Variants in ATRNL1 observed in about 807,000 individuals in gnomAD.
The protein encoded by ATRNL1 is attractin like 1.
A neutral mutation model predicts 182.7 loss-of-function variants in ATRNL1; 95 were observed. The observed-to-expected ratio is 0.52, with a 90% CI of 0.44 to 0.62. The LOEUF is 0.62. ATRNL1 is among the 20% of genes least tolerant of loss of function. The probability of loss-of-function intolerance (pLI) is 0.00; values close to 1 mark genes in which losing one functional copy is unlikely to be tolerated. For missense variants in ATRNL1, 1,471 were observed against 1,679.5 expected (o/e 0.88, Z 2.17); for synonymous variants, 576 against 568.3 (o/e 1.01, Z -0.19).
At chr10:115,577,824 G>A (rs1274450813) in intron 26 of ATRNL1, among the ~76,000 whole-genome samples, 1 of 151,300 alleles carries the variant, frequency 6.6e-6, no homozygotes, top group Non-Finnish European at 1.5e-5. Context: ...TCCTTACATT[G>A]TACCATATAT....
At chr10:115,363,025 G>A (rs1428248351) in intron 19 of ATRNL1, among the ~76,000 whole-genome samples, 2 of 151,730 alleles carry the variant, frequency 1.3e-5, no homozygotes, top group Admixed American at 6.6e-5. Context: ...CAGTCCTTTG[G>A]GTATATACCC....
rs80060643 is a variant in ATRNL1, at chr10:115,942,436, C to A, written c.4019-2222C>A. 2.1e-3 allele frequency among the ~76,000 whole-genome samples: 324 copies of A among 152,276 alleles called. 13 individuals carry two copies. In the East Asian group the frequency reaches 0.058, roughly 27 times the overall value. ...TGCCACAGGCCTTACCCTGCTGGCC[C>A]ATTTGCCACTTTTTACAGACTCCTT... On this transcript the variant is annotated intron_variant, in intron 28 of 28. Coordinates refer to ENST00000355044, the MANE Select transcript of ATRNL1 (RefSeq NM_207303.4).
chr10:115,603,396 A>G (rs1555016640), intron 26 of ATRNL1, among the ~76,000 whole-genome samples: 1 of 152,194 alleles, frequency 6.6e-6, no homozygotes, highest in Non-Finnish European at 1.5e-5. Context: ...TCAGGAAATT[A>G]TAAGGGTTTT....
chr10:115,797,460 C>A (rs1193806158), intron 27 of ATRNL1, among the ~76,000 whole-genome samples: 1 of 152,088 alleles, frequency 6.6e-6, no homozygotes. Context: ...GAAGGAAGGG[C>A]TGGGGTGCAG....
Position 115,336,020 on chromosome 10 carries a change from A to AT in ATRNL1, c.3175+1607dup, listed in dbSNP as rs547483857. Among the ~76,000 whole-genome samples the AT allele has an allele frequency of 9.9e-4, 150 of 152,240 alleles. 1 individual carries two copies. Among genetic ancestry groups the AT allele is most frequent in the Middle Eastern group, 3.4e-3 (1 of 294 alleles). On this transcript the variant is annotated intron_variant, in intron 19 of 28. Coordinates refer to ENST00000355044, the MANE Select transcript of ATRNL1 (RefSeq NM_207303.4). ...ACAGATGCATTGGCCCACATTTAAC[A>AT]TTTTTTATATCCTAGGCACCGTACT...
chr10:115,242,364 T>A (rs974695258), intron 10 of ATRNL1, among the ~76,000 whole-genome samples: 17 of 152,058 alleles, frequency 1.1e-4, no homozygotes, highest in Admixed American at 3.3e-4. Flanking sequence ...TTCTGAATAT[T>A]TAAGTGAATG....
intron 19 of ATRNL1, among the ~76,000 whole-genome samples, chr10:115,388,673 T>C (rs1275948269): frequency 6.6e-6 from 1 of 152,040 alleles, no homozygotes. Context: ...TTATAATGTG[T>C]ATCATATTAT....
At chr10:115,470,053 T>C (rs1290429560) in intron 24 of ATRNL1, among the ~76,000 whole-genome samples, 3 of 150,520 alleles carry the variant, frequency 2.0e-5, no homozygotes, top group Non-Finnish European at 3.0e-5. Flanking sequence ...TCCTTGTTCA[T>C]GGCTTTTATG....
chr10:115,157,232 A>C (rs1846563194), intron 5 of ATRNL1, among the ~76,000 whole-genome samples: 3 of 152,114 alleles, frequency 2.0e-5, no homozygotes, highest in Admixed American at 2.0e-4. Context: ...GTATCAGAAA[A>C]AAAATTTTAA....
intron 20 of ATRNL1, among the ~76,000 whole-genome samples, chr10:115,412,380 C>T (rs1419413279): frequency 2.6e-5 from 4 of 152,086 alleles, no homozygotes; most frequent in African/African-American, 9.7e-5. Flanking sequence ...TACAGTGGAC[C>T]CTAGGTGCAG....
At chr10:115,217,890 G>C (rs530982411) in intron 9 of ATRNL1, among the ~76,000 whole-genome samples, 1 of 152,096 alleles carries the variant, frequency 6.6e-6, no homozygotes, top group East Asian at 1.9e-4. Flanking sequence ...AAAATTTGTA[G>C]TATTCTTTAA....
chr10:115,375,381 T>C (rs143335682), intron 19 of ATRNL1, among the ~76,000 whole-genome samples: 79 of 152,108 alleles, frequency 5.2e-4, no homozygotes, highest in Middle Eastern at 3.4e-3. Flanking sequence ...TTGTCTCTTA[T>C]AGGGAGTCTA....
intron 19 of ATRNL1, among the ~76,000 whole-genome samples, chr10:115,372,112 C>T (rs1451277787): frequency 6.6e-6 from 1 of 152,202 alleles, no homozygotes; most frequent in African/African-American, 2.4e-5. Flanking sequence ...TCCATTAAAC[C>T]TCTTTCTTTT....
chr10:115,307,175 C>T (rs148933419), intron 17 of ATRNL1, among the ~76,000 whole-genome samples: 79 of 152,234 alleles, frequency 5.2e-4, no homozygotes, highest in African/African-American at 1.3e-3. Flanking sequence ...TTGTCATGTT[C>T]GCCTTTCCTG....
At chr10:115,413,352 A>C (rs1554960244) in intron 20 of ATRNL1, among the ~76,000 whole-genome samples, 1 of 152,118 alleles carries the variant, frequency 6.6e-6, no homozygotes, top group Non-Finnish European at 1.5e-5. Flanking sequence ...GAACAAATTT[A>C]TCTGATAGGA....
intron 27 of ATRNL1, among the ~76,000 whole-genome samples, chr10:115,847,412 T>C (rs782383572): frequency 3.0e-4 from 45 of 152,146 alleles, no homozygotes; most frequent in Non-Finnish European, 4.9e-4. Flanking sequence ...ATGAATATGT[T>C]ACTTCGATTG....
At chr10:115,098,174 T>C (rs2085063086) in intron 1 of ATRNL1, among the ~76,000 whole-genome samples, 1 of 152,148 alleles carries the variant, frequency 6.6e-6, no homozygotes, top group Non-Finnish European at 1.5e-5. Context: ...ATAATTTAAA[T>C]TGAGTGTTTC....
chr10:115,914,753 G>T (rs781803665), intron 28 of ATRNL1, among the ~76,000 whole-genome samples: 17 of 152,192 alleles, frequency 1.1e-4, no homozygotes, highest in Non-Finnish European at 1.8e-4. Context: ...CTGTTAGGAA[G>T]TGAGATAAGG....
intron 21 of ATRNL1, among the ~76,000 whole-genome samples, chr10:115,443,882 T>C (rs970201978): frequency 1.3e-5 from 2 of 152,140 alleles, no homozygotes; most frequent in East Asian, 1.9e-4. Context: ...TTCTGAATTC[T>C]CTATGCCTCA....
Sources: allele counts gnomAD v4.1 joint callset (sites outside exome capture counted in the v4.1 genomes callset), GRCh38; gene constraint gnomAD v4.1.1; transcripts MANE v1.5; gene names NCBI Gene and HGNC (gene_info 2026-07-23, HGNC 2026-07-21).